The following ROR1 variants were observed in gnomAD, a reference collection of about 807,000 sequenced individuals.
The protein encoded by ROR1 is ROR family WNT receptor 1, also known as inactive tyrosine-protein kinase transmembrane receptor ROR1.
In ROR1, 19 loss-of-function variants were observed where a neutral mutation model predicts 78.8. That is an observed-to-expected ratio of 0.24 (90% CI 0.17 to 0.35). The LOEUF (loss-of-function observed/expected upper bound fraction) is 0.35, where lower values mean the gene tolerates loss of function less well. Ranked by LOEUF, ROR1 falls within the 10% of genes least tolerant of loss-of-function variation. ROR1 has a pLI of 1.00. For missense variants in ROR1, 917 were observed against 1,177.8 expected (o/e 0.78, Z 3.24); for synonymous variants, 386 against 433.6 (o/e 0.89, Z 1.36).
At chr1:64,165,511 G>A (rs538354479) in intron 8 of ROR1, among the ~76,000 whole-genome samples, 10 of 152,112 alleles carry the variant, frequency 6.6e-5, no homozygotes, top group African/African-American at 2.4e-4. Context: ...CCATTCTGTA[G>A]GTTGTGTTAC....
intron 1 of ROR1, among the ~76,000 whole-genome samples, chr1:63,986,015 A>G (rs1474559424): frequency 1.3e-5 from 2 of 152,188 alleles, no homozygotes; most frequent in African/African-American, 4.8e-5. Flanking sequence ...GTTCACTGCC[A>G]GGCACTGAGC....
At chr1:63,786,379 TCTC>T (rs1354119087) in intron 1 of ROR1, among the ~76,000 whole-genome samples, 2 of 146,770 alleles carry the variant, frequency 1.4e-5, no homozygotes, top group Non-Finnish European at 3.0e-5. Context: ...TTCACGCCAT[TCTC>T]CTGCCTCAGC....
intron 1 of ROR1, among the ~76,000 whole-genome samples, chr1:63,986,376 C>G (rs1186842981): frequency 6.6e-6 from 1 of 151,888 alleles, no homozygotes; most frequent in African/African-American, 2.4e-5. Context: ...CTCATTTTGA[C>G]ATAAAGGATG....
intron 3 of ROR1, among the ~76,000 whole-genome samples, chr1:64,050,217 T>G (rs1363529136): frequency 6.6e-6 from 1 of 152,220 alleles, no homozygotes; most frequent in Non-Finnish European, 1.5e-5. Context: ...CGGATCTTTC[T>G]GACCTCAGAG....
chr1:64,016,025 C>A (rs559367688), intron 2 of ROR1, among the ~76,000 whole-genome samples: 1 of 152,312 alleles, frequency 6.6e-6, no homozygotes, highest in South Asian at 2.1e-4. Context: ...TCCCCACCAA[C>A]TCCCTTCTGT....
At chr1:64,020,391 G>T (rs1286042012) in intron 2 of ROR1, among the ~76,000 whole-genome samples, 2 of 152,134 alleles carry the variant, frequency 1.3e-5, no homozygotes, top group Non-Finnish European at 2.9e-5. Context: ...TACCATGGAC[G>T]AGGCCTGTAC....
At chr1:63,890,280 T>C (rs986367796) in intron 1 of ROR1, among the ~76,000 whole-genome samples, 1 of 151,952 alleles carries the variant, frequency 6.6e-6, no homozygotes, top group African/African-American at 2.4e-5. Context: ...AAATGTCACC[T>C]TTCTAGTCCT....
At chr1:64,013,957 C>G (rs1220176880) in intron 2 of ROR1, among the ~76,000 whole-genome samples, 1 of 152,232 alleles carries the variant, frequency 6.6e-6, no homozygotes, top group Non-Finnish European at 1.5e-5. Context: ...ACCTGCTAAG[C>G]AGGTTGCACG....
chr1:63,983,342 C>T (rs973886017), intron 1 of ROR1, among the ~76,000 whole-genome samples: 6 of 152,244 alleles, frequency 3.9e-5, no homozygotes, highest in Non-Finnish European at 2.9e-5. Flanking sequence ...AGCAAGTCCT[C>T]TGCCCTGGAT....
At chr1:63,849,997 T>G (rs1645104030) in intron 1 of ROR1, among the ~76,000 whole-genome samples, 2 of 152,224 alleles carry the variant, frequency 1.3e-5, no homozygotes, top group African/African-American at 4.8e-5. Context: ...TCTCCAGAGA[T>G]AATCTGTCCT....
intron 1 of ROR1, among the ~76,000 whole-genome samples, chr1:63,970,258 G>C (rs376213418): frequency 2.4e-4 from 37 of 152,228 alleles, no homozygotes; most frequent in African/African-American, 8.7e-4. Flanking sequence ...GACACTGCTT[G>C]GTCTCCTTGC....
chr1:63,805,280 C>T (rs114162221), intron 1 of ROR1, among the ~76,000 whole-genome samples: 2,672 of 152,238 alleles, frequency 0.018, 76 homozygotes, highest in African/African-American at 0.062. Context: ...GGGTGTAGCC[C>T]GGAGTTGGGA....
intron 1 of ROR1, among the ~76,000 whole-genome samples, chr1:63,942,771 G>A (rs1355469374): frequency 3.9e-5 from 6 of 152,050 alleles, no homozygotes; most frequent in Non-Finnish European, 8.8e-5. Flanking sequence ...CCCACCGCTG[G>A]GCATTTTGTG....
intron 1 of ROR1, among the ~76,000 whole-genome samples, chr1:63,800,291 T>C (rs765413620): frequency 1.3e-5 from 2 of 152,256 alleles, no homozygotes; most frequent in South Asian, 4.1e-4. Flanking sequence ...TATAAAATTA[T>C]CACTTGTTTG....
At chr1:64,062,357 G>T (rs1229216360) in intron 4 of ROR1, among the ~76,000 whole-genome samples, 12 of 152,048 alleles carry the variant, frequency 7.9e-5, no homozygotes, top group Admixed American at 7.9e-4. Flanking sequence ...TGTTGCCCAG[G>T]CTGTAGTGCA....
intron 1 of ROR1, among the ~76,000 whole-genome samples, chr1:64,008,670 T>C (rs1002827925): frequency 1.3e-5 from 2 of 152,162 alleles, no homozygotes; most frequent in African/African-American, 2.4e-5. Context: ...AGTCTCGCTA[T>C]GTCAGCCAGG....
rs1650481426 is a variant in ROR1 at position 64,179,075 on chromosome 1, C to T, written c.*220C>T. 6.0e-6 allele frequency: 3 copies of T among 504,058 alleles called. No homozygotes were observed. Among genetic ancestry groups the T allele is most frequent in the Admixed American group, 3.8e-5 (1 of 26,230 alleles). The allele number at this position is 504,058 out of a possible 1,614,324, so 31.2% of individuals were successfully genotyped here. On this transcript the variant is annotated 3_prime_UTR_variant, in exon 9 of 9. Coordinates refer to ENST00000371079, the MANE Select transcript of ROR1 (RefSeq NM_005012.4). ...GCAAACAAAAACATTGTGGGATGTG[C>T]ACTCCATTGGAGTGCATGACATGGC...
intron 1 of ROR1, among the ~76,000 whole-genome samples, chr1:63,858,695 C>CT (rs928474681): frequency 3.3e-5 from 5 of 152,130 alleles, no homozygotes; most frequent in African/African-American, 1.2e-4. Context: ...TCCCTGACCC[C>CT]TAGTGCCTCA....
At chr1:64,019,616 A>G (rs147090418) in intron 2 of ROR1, among the ~76,000 whole-genome samples, 1 of 152,320 alleles carries the variant, frequency 6.6e-6, no homozygotes, top group East Asian at 1.9e-4. Context: ...TTCTCATGAA[A>G]TAATACCAAT....
Sources: gnomAD v4.1 joint callset for allele counts (sites outside exome capture counted in the v4.1 genomes callset) on GRCh38, gnomAD v4.1.1 for gene constraint, MANE v1.5 for transcripts, NCBI Gene and HGNC (gene_info 2026-07-23, HGNC 2026-07-21) for gene names.